Variants in CACNA1D observed in about 807,000 individuals in gnomAD.
CACNA1D encodes the protein calcium voltage-gated channel subunit alpha1 D, also known as voltage-dependent L-type calcium channel subunit alpha-1D.
A neutral mutation model predicts 257.1 loss-of-function variants in CACNA1D; 55 were observed. The observed-to-expected ratio is 0.21, with a 90% confidence interval of 0.17 to 0.27. The LOEUF (loss-of-function observed/expected upper bound fraction) is 0.27, where lower values mean the gene tolerates loss of function less well. Among genes scored for constraint, CACNA1D ranks in the 10% least tolerant of loss-of-function variants. The pLI is 1.00. For synonymous variants in CACNA1D, 980 were observed against 1,014.9 expected (o/e 0.97, Z 0.65); for missense variants, 1,876 against 2,784.0 (o/e 0.67, Z 7.34).
In CACNA1D at chr3:53,723,328, T is replaced by C; in HGVS notation, c.1667-106T>C. Reference sequence around the variant, plus strand: ...GGTAGTGAAGAGAGAGACAAGGTATTGGCGTATTTCCTGTGGGGCCTGATA... The same window carrying C: ...GGTAGTGAAGAGAGAGACAAGGTATCGGCGTATTTCCTGTGGGGCCTGATA... On this transcript the variant is annotated intron_variant, in intron 12 of 47. Coordinates refer to ENST00000350061, the MANE Select transcript of CACNA1D (RefSeq NM_001128840.3). This position sits in a 1 kb window ranked among gnomAD's most constrained non-coding sequence, Gnocchi z 5.6. The C allele has an allele frequency of 1.2e-6, 1 of 819,572 alleles. No homozygotes were observed. The highest frequency in any genetic ancestry group is 1.8e-5 in the Admixed American group (1 of 56,868). The allele number at this position is 819,572 out of a possible 1,614,324, so 50.8% of individuals were successfully genotyped here. A position where few individuals can be genotyped will look rare whatever the true frequency, so the allele number is the denominator to read the frequency against.
chr3:53,735,265 G>A, intron 19 of CACNA1D, 109 bp from the exon 20 acceptor site: 1 of 1,057,976 alleles, frequency 9.5e-7, no homozygotes, highest in Non-Finnish European at 1.5e-6. Flanking sequence ...CAGCACAGCA[G>A]ACAGCTGCCC....
intron 43 of CACNA1D, among the ~76,000 whole-genome samples, chr3:53,802,828 AGGACTGAGGCCAGGATGAGCCG>A (rs1293611075): frequency 2.0e-5 from 3 of 152,182 alleles, no homozygotes; most frequent in Admixed American, 2.0e-4. Flanking sequence ...TCCTTCTCTG[AGGACTGAGGCCAGGATGAGCCG>A]GGTTTCAGGG....
chr3:53,717,930 G>T (rs2094837299), intron 9 of CACNA1D, among the ~76,000 whole-genome samples: 2 of 152,206 alleles, frequency 1.3e-5, no homozygotes, highest in Admixed American at 1.3e-4. Flanking sequence ...GGCAAGCAAA[G>T]ATGTACCTGT....
chr3:53,702,618 C>T (rs2094638404), intron 8 of CACNA1D, 23 bp from the exon 9 acceptor site: 2 of 1,612,426 alleles, frequency 1.2e-6, no homozygotes, highest in African/African-American at 1.3e-5. Flanking sequence ...CTGATATGTG[C>T]TTGTCCTCTT....
intron 39 of CACNA1D, among the ~76,000 whole-genome samples, chr3:53,784,134 C>A (rs1001597967): frequency 6.6e-6 from 1 of 152,218 alleles, no homozygotes. Flanking sequence ...TCCCAGTGGC[C>A]CGGGGGTCTC....
chr3:53,554,226 A>G (rs1033114164), intron 3 of CACNA1D, among the ~76,000 whole-genome samples: 1 of 152,188 alleles, frequency 6.6e-6, no homozygotes, highest in Admixed American at 6.5e-5. Context: ...AAATTATCAT[A>G]CAAATCATAT....
chr3:53,553,993 G>A (rs2092589315), intron 3 of CACNA1D, among the ~76,000 whole-genome samples: 1 of 151,826 alleles, frequency 6.6e-6, no homozygotes, highest in South Asian at 2.1e-4. Flanking sequence ...TCAGGAGATG[G>A]AGACCATCCT....
chr3:53,786,496 T>G (rs2095453647), intron 39 of CACNA1D: 1 of 316,290 alleles, frequency 3.2e-6, no homozygotes, highest in African/African-American at 2.1e-5. Context: ...TTTTGTAATT[T>G]TTATTTTAAG....
chr3:53,595,410 T>C (rs2093357399), intron 3 of CACNA1D, among the ~76,000 whole-genome samples: 1 of 152,136 alleles, frequency 6.6e-6, no homozygotes, highest in South Asian at 2.1e-4. Context: ...ATGGCACCTT[T>C]CCCCCATCCC....
rs1003160214 is a variant in CACNA1D at position 53,809,731 on chromosome 3, A to C, written c.5872-247A>C. 51 of 562,894 alleles carry C rather than the reference A, an allele frequency of 9.1e-5. No homozygotes were observed. In the Admixed American group the frequency reaches 1.5e-3, roughly 16 times the overall value. The allele number at this position is 562,894 out of a possible 1,614,324, so 34.9% of individuals were successfully genotyped here. On this transcript the variant is annotated intron_variant, in intron 46 of 47. Coordinates refer to ENST00000350061, the MANE Select transcript of CACNA1D (RefSeq NM_001128840.3). ...AAGCAATTTCATGAATTAGCAACTGATACCTCCTTGGGAAAAGCCAAAGGA... is the reference window on the plus strand; with the variant it reads ...AAGCAATTTCATGAATTAGCAACTGCTACCTCCTTGGGAAAAGCCAAAGGA...
chr3:53,619,478 C>G (rs1480818615), intron 3 of CACNA1D, among the ~76,000 whole-genome samples: 1 of 152,228 alleles, frequency 6.6e-6, no homozygotes, highest in Non-Finnish European at 1.5e-5. Context: ...GGATATGCAG[C>G]AACCAAGCAC....
At chr3:53,752,969 G>C in intron 28 of CACNA1D, among the ~76,000 whole-genome samples, 1 of 152,220 alleles carries the variant, frequency 6.6e-6, no homozygotes, top group East Asian at 1.9e-4. Flanking sequence ...TACTCTACGA[G>C]GACAGGAAGC....
chr3:53,649,869 T>G (rs1345981422), intron 3 of CACNA1D, among the ~76,000 whole-genome samples: 4 of 152,266 alleles, frequency 2.6e-5, no homozygotes, highest in Non-Finnish European at 4.4e-5. Flanking sequence ...ATGTTTCTAT[T>G]GAAACTGAAG....
At chr3:53,769,583 C>G (rs2095355150) in intron 30 of CACNA1D, among the ~76,000 whole-genome samples, 1 of 152,220 alleles carries the variant, frequency 6.6e-6, no homozygotes, top group Non-Finnish European at 1.5e-5. Flanking sequence ...CATTCTGTTC[C>G]TCGGGGCTAG....
At chr3:53,598,593 A>G (rs1261897250) in intron 3 of CACNA1D, among the ~76,000 whole-genome samples, 7 of 151,846 alleles carry the variant, frequency 4.6e-5, no homozygotes, top group Non-Finnish European at 8.8e-5. Context: ...CTCCAGAAAA[A>G]AAAAAAAAAA....
intron 3 of CACNA1D, among the ~76,000 whole-genome samples, chr3:53,553,749 A>G (rs549790914): frequency 6.6e-6 from 1 of 152,150 alleles, no homozygotes; most frequent in South Asian, 2.1e-4. Flanking sequence ...TTAGCCCTAT[A>G]CAGTCAACAG....
rs145263419 is a variant in CACNA1D at position 53,614,722 on chromosome 3, C to G, written c.484-36057C>G. On this transcript the variant is annotated intron_variant, in intron 3 of 47. Transcript: ENST00000350061. ...GTACACCTCATGGCTACTCAGCTTC[C>G]ATACGTCCCTTTTGTGTGAACTCCT... Among the ~76,000 whole-genome samples the G allele has an allele frequency of 3.3e-5, 5 of 152,280 alleles. No individual in the cohort carries two copies. The East Asian group carries it at 9.7e-4, about 29-fold the overall frequency.
At chr3:53,690,717 G>T (rs1356980023) in intron 8 of CACNA1D, among the ~76,000 whole-genome samples, 1 of 152,190 alleles carries the variant, frequency 6.6e-6, no homozygotes, top group East Asian at 1.9e-4. Context: ...GCCAGTAGGG[G>T]GTTCAATTTC....
chr3:53,508,817 A>G (rs2090977902), intron 3 of CACNA1D, among the ~76,000 whole-genome samples: 1 of 152,232 alleles, frequency 6.6e-6, no homozygotes, highest in Non-Finnish European at 1.5e-5. Context: ...AACAGACCCC[A>G]ACAGCTTCTC....
Sources: gnomAD v4.1 joint callset for allele counts (sites outside exome capture counted in the v4.1 genomes callset) on GRCh38, gnomAD v4.1.1 for gene constraint, Gnocchi (gnomAD v3.1) non-coding constraint, MANE v1.5 for transcripts, NCBI Gene and HGNC (gene_info 2026-07-23, HGNC 2026-07-21) for gene names.